UNC13C: variants seen among roughly 807,000 people sequenced by gnomAD.
UNC13C encodes protein unc-13 homolog C.
Under a neutral mutation model 245.4 loss-of-function variants are expected in UNC13C, and 174 were observed. The ratio of observed to expected loss-of-function variants is 0.71; its 90% confidence interval spans 0.63 to 0.80. The LOEUF is 0.80. Ranked by LOEUF, UNC13C falls within the 30% of genes least tolerant of loss-of-function variation. The pLI, the probability that UNC13C is intolerant of heterozygous loss-of-function variation, is 0.00. For synonymous variants in UNC13C, 992 were observed against 895.1 expected (o/e 1.11, Z -1.93); for missense variants, 2,829 against 2,602.9 (o/e 1.09, Z -1.89).
intron 19 of UNC13C, among the ~76,000 whole-genome samples, chr15:54,467,457 A>G: frequency 6.6e-6 from 1 of 151,558 alleles, no homozygotes; most frequent in East Asian, 1.9e-4. Context: ...TACCTCAAAT[A>G]TTTATCATTT....
At chr15:54,521,978 A>T (rs1408972139) in intron 24 of UNC13C, among the ~76,000 whole-genome samples, 2 of 152,212 alleles carry the variant, frequency 1.3e-5, no homozygotes, top group Admixed American at 6.5e-5. Flanking sequence ...TAGATTTATA[A>T]GAGAGCATTT....
chr15:54,365,243 G>A (rs2039338091), intron 17 of UNC13C, among the ~76,000 whole-genome samples: 1 of 151,766 alleles, frequency 6.6e-6, no homozygotes, highest in Non-Finnish European at 1.5e-5. Context: ...TCCCCTTCTG[G>A]CCAGCTGGTC....
intron 2 of UNC13C, among the ~76,000 whole-genome samples, chr15:54,130,460 T>G (rs2031344615): frequency 6.6e-6 from 1 of 151,782 alleles, no homozygotes; most frequent in Admixed American, 6.6e-5. Flanking sequence ...GCCTGGCTAA[T>G]TTTTTGTATT....
intron 13 of UNC13C, among the ~76,000 whole-genome samples, chr15:54,306,793 C>T (rs1364428065): frequency 6.6e-6 from 1 of 151,902 alleles, no homozygotes; most frequent in East Asian, 1.9e-4. Flanking sequence ...CCTTGATGTG[C>T]TTACAAAACA....
At chr15:54,534,202 C>A (rs1323309979) in intron 26 of UNC13C, among the ~76,000 whole-genome samples, 1 of 152,090 alleles carries the variant, frequency 6.6e-6, no homozygotes, top group Non-Finnish European at 1.5e-5. Context: ...GGAACACCTT[C>A]GCCCCTCCAG....
chr15:54,520,281 G>C (rs1895158608), intron 24 of UNC13C, among the ~76,000 whole-genome samples: 1 of 152,130 alleles, frequency 6.6e-6, no homozygotes, highest in Admixed American at 6.5e-5. Context: ...GAAAACAGAA[G>C]TCAAAGATGA....
chr15:54,520,956 C>A (rs1428008619), intron 24 of UNC13C, among the ~76,000 whole-genome samples: 1 of 152,126 alleles, frequency 6.6e-6, no homozygotes, highest in Non-Finnish European at 1.5e-5. Flanking sequence ...AGTTTGGCTT[C>A]TCTTTCATTG....
At chr15:54,400,655 T>C (rs2040162415) in intron 18 of UNC13C, among the ~76,000 whole-genome samples, 1 of 152,182 alleles carries the variant, frequency 6.6e-6, no homozygotes, top group Non-Finnish European at 1.5e-5. Context: ...ATTTCTTCAT[T>C]GAAAATTTCT....
the UNC13C span, among the ~76,000 whole-genome samples, chr15:53,840,359 A>T: frequency 6.6e-6 from 1 of 152,144 alleles, no homozygotes; most frequent in East Asian, 1.9e-4. Flanking sequence ...TTAATGTGCT[A>T]AACTCAGTAA....
intron 24 of UNC13C, among the ~76,000 whole-genome samples, chr15:54,523,735 A>C (rs1304801776): frequency 6.6e-6 from 1 of 152,206 alleles, no homozygotes; most frequent in Non-Finnish European, 1.5e-5. Flanking sequence ...AACACATTTT[A>C]AATAAGAAGC....
intron 13 of UNC13C, among the ~76,000 whole-genome samples, chr15:54,312,940 CT>C (rs1329674226): frequency 1.3e-5 from 2 of 151,768 alleles, no homozygotes; most frequent in African/African-American, 4.8e-5. Context: ...ACTGGGAAAT[CT>C]TTGATTGGTA....
chr15:54,235,434 G>A (rs1257662696), intron 5 of UNC13C, among the ~76,000 whole-genome samples: 1 of 152,176 alleles, frequency 6.6e-6, no homozygotes, highest in Admixed American at 6.5e-5. Context: ...TGAATGACCA[G>A]AAGTTTAATT....
intron 1 of UNC13C, among the ~76,000 whole-genome samples, chr15:53,979,189 A>T (rs1265793175): frequency 6.6e-6 from 1 of 152,194 alleles, no homozygotes; most frequent in Non-Finnish European, 1.5e-5. Context: ...AACTTTCAGG[A>T]GAATATCTAC....
intron 30 of UNC13C, among the ~76,000 whole-genome samples, chr15:54,602,241 T>C (rs1405543893): frequency 1.3e-5 from 2 of 152,198 alleles, no homozygotes; most frequent in African/African-American, 4.8e-5. Flanking sequence ...TCGGAAACAA[T>C]TTAATTACCC....
intron 13 of UNC13C, among the ~76,000 whole-genome samples, chr15:54,311,492 T>C (rs1182901694): frequency 6.6e-6 from 1 of 151,756 alleles, no homozygotes. Context: ...TAATAAAATA[T>C]CTAGTGGAAA....
chr15:54,447,724 G>C (rs551364802), intron 19 of UNC13C, among the ~76,000 whole-genome samples: 102 of 152,176 alleles, frequency 6.7e-4, no homozygotes, highest in African/African-American at 2.2e-3. Flanking sequence ...AAAAAAACCA[G>C]CTCCTGGATT....
intron 29 of UNC13C, among the ~76,000 whole-genome samples, chr15:54,561,921 G>A (rs1163584560): frequency 6.6e-6 from 1 of 151,894 alleles, no homozygotes; most frequent in African/African-American, 2.4e-5. Flanking sequence ...AGAGTTGTTG[G>A]AACTTGGCAA....
chr15:54,013,209 A>G lies in UNC13C; in HGVS notation c.306A>G (p.Leu102=), dbSNP rs767437185. 2 of 1,613,842 alleles carry G rather than the reference A, an allele frequency of 1.2e-6. No individual in the cohort carries two copies. Among genetic ancestry groups the G allele is most frequent in the Non-Finnish European group, 8.5e-7 (1 of 1,179,846 alleles). Reference sequence around the variant, plus strand: ...ACCGAGTAGCTATTGCCAATGGCCTACAAAAGAATGCTAAAGTAACCAACA... The same window carrying G: ...ACCGAGTAGCTATTGCCAATGGCCTGCAAAAGAATGCTAAAGTAACCAACA... ...FSYRVAIANG[L]QKNAKVTNSD... The change falls in exon 2 of 33, where the codon CTA becomes CTG. Residue 102 remains leucine, a synonymous_variant. Transcript: ENST00000260323.
intron 2 of UNC13C, among the ~76,000 whole-genome samples, chr15:54,030,313 AC>A (rs1896304097): frequency 6.6e-6 from 1 of 152,102 alleles, no homozygotes; most frequent in South Asian, 2.1e-4. Context: ...AATGTTACTT[AC>A]TTAGTTAACG....
Sources: gnomAD v4.1 joint callset for allele counts (sites outside exome capture counted in the v4.1 genomes callset) on GRCh38, gnomAD v4.1.1 for gene constraint, MANE v1.5 for transcripts, NCBI Gene and HGNC (gene_info 2026-07-23, HGNC 2026-07-21) for gene names.